Variants in BBS9 observed in about 807,000 individuals in gnomAD.
BBS9 encodes protein PTHB1.
Under a neutral mutation model 117.7 loss-of-function variants are expected in BBS9, and 89 were observed. That is an observed-to-expected ratio of 0.76 (90% CI 0.64 to 0.90). The LOEUF is 0.90. Ranked by LOEUF, BBS9 falls within the 40% of genes least tolerant of loss-of-function variation. The pLI is 0.00. For missense variants in BBS9, 982 were observed against 1,042.2 expected (o/e 0.94, Z 0.80); for synonymous variants, 379 against 370.9 (o/e 1.02, Z -0.25).
intron 21 of BBS9, among the ~76,000 whole-genome samples, chr7:33,615,372 A>G (rs1865078509): frequency 6.6e-6 from 1 of 152,106 alleles, no homozygotes; most frequent in Non-Finnish European, 1.5e-5. Context: ...ATGCTAGAAC[A>G]AATGGGCAAT....
At chr7:33,622,845 G>T (rs2034516) in intron 21 of BBS9, among the ~76,000 whole-genome samples, 56,576 of 151,742 alleles carry the variant, frequency 0.37, 14,242 homozygotes, top group African/African-American at 0.72. Flanking sequence ...AATAAGTGTT[G>T]CTGAAGCAAT....
chr7:33,478,882 T>G (rs1488609580), intron 19 of BBS9, among the ~76,000 whole-genome samples: 4 of 151,650 alleles, frequency 2.6e-5, no homozygotes, highest in Non-Finnish European at 4.4e-5. Flanking sequence ...TGGGTTTTTT[T>G]TTTTTTTTTT....
At position 33,311,157 on chromosome 7, in the gene BBS9, C is replaced by G. The variant is rs556322817; in HGVS notation, c.1017-25284C>G. On this transcript the variant is annotated intron_variant, in intron 9 of 22. Transcript: ENST00000242067. ...TAAGAAGAGGTGAGGAAGAGTGTAC[C>G]AGGTGCCAAAGGGGCATGGAAGATG... Among the ~76,000 whole-genome samples, 5 of 152,134 alleles carry G rather than the reference C, an allele frequency of 3.3e-5. No individual in the cohort carries two copies. The South Asian group carries it at 1.0e-3, about 32-fold the overall frequency.
chr7:33,173,218 T>C (rs1796862450), intron 4 of BBS9, among the ~76,000 whole-genome samples: 1 of 152,208 alleles, frequency 6.6e-6, no homozygotes, highest in Admixed American at 6.5e-5. Flanking sequence ...GCCTGCCTTT[T>C]ATAAACACTT....
At chr7:33,446,323 T>C (rs993296174) in intron 19 of BBS9, among the ~76,000 whole-genome samples, 16 of 152,232 alleles carry the variant, frequency 1.1e-4, no homozygotes, top group South Asian at 2.1e-4. Context: ...TCTTAGTCCA[T>C]AGTATTGCCA....
chr7:33,468,999 CT>C (rs4000120), intron 19 of BBS9, among the ~76,000 whole-genome samples: 49 of 150,558 alleles, frequency 3.3e-4, no homozygotes, highest in South Asian at 1.0e-3. Flanking sequence ...CTACTGATTC[CT>C]TTTTTTTTTT....
intron 21 of BBS9, among the ~76,000 whole-genome samples, chr7:33,616,224 A>G: frequency 6.6e-6 from 1 of 151,064 alleles, no homozygotes; most frequent in Non-Finnish European, 1.5e-5. Flanking sequence ...TAAAATATAT[A>G]TATAATGTAT....
chr7:33,457,033 C>T (rs1410440600), intron 19 of BBS9, among the ~76,000 whole-genome samples: 1 of 152,158 alleles, frequency 6.6e-6, no homozygotes, highest in African/African-American at 2.4e-5. Context: ...TGGAAAATGT[C>T]TACTTGGCCC....
At chr7:33,569,887 G>A (rs922601849) in intron 21 of BBS9, among the ~76,000 whole-genome samples, 2 of 152,206 alleles carry the variant, frequency 1.3e-5, no homozygotes, top group Non-Finnish European at 2.9e-5. Flanking sequence ...AAGAGGGCCT[G>A]GGAGCAAAGA....
chr7:33,370,191 C>CTTA (rs1476880555), intron 17 of BBS9, among the ~76,000 whole-genome samples: 2 of 152,056 alleles, frequency 1.3e-5, no homozygotes, highest in African/African-American at 2.4e-5. Context: ...GGTGTAGCAG[C>CTTA]TTACCCCTTT....
rs1489209003 is a variant in BBS9, at chr7:33,545,578, G to A, written c.2521+11402G>A. On this transcript the variant is annotated intron_variant, in intron 21 of 22. Transcript: ENST00000242067. ...GGGGTCTCCCAAGTCTTGCTTCCTT[G>A]AGGGAGTCTGTGGGTCCTCGGGATT... 3.9e-5 allele frequency among the ~76,000 whole-genome samples: 6 copies of A among 152,168 alleles called. No individual in the cohort carries two copies. In the East Asian group the frequency reaches 1.2e-3, roughly 29 times the overall value.
chr7:33,366,926 C>G (rs891255673), intron 16 of BBS9, among the ~76,000 whole-genome samples: 4 of 152,106 alleles, frequency 2.6e-5, no homozygotes, highest in Non-Finnish European at 5.9e-5. Context: ...ACTATTCTGG[C>G]CGGAGTTCTT....
At chr7:33,246,834 CAG>C (rs1247121592) in intron 5 of BBS9, among the ~76,000 whole-genome samples, 1 of 151,994 alleles carries the variant, frequency 6.6e-6, no homozygotes, top group African/African-American at 2.4e-5. Flanking sequence ...GGTGTGCAGA[CAG>C]AGACAGCTCA....
rs183893118 is a variant in BBS9 at position 33,619,080 on chromosome 7, A to G, written c.2522-16097A>G. On this transcript the variant is annotated intron_variant, in intron 21 of 21. Coordinates refer to the BBS9 transcript ENST00000671952. ...GAGTGGCTGAATGGATTAGAAAACA[A>G]GACACAACTACATGCAGCATAGAAG... Among the ~76,000 whole-genome samples, 150 of 152,304 alleles carry G rather than the reference A, an allele frequency of 9.8e-4. 1 individual carries two copies. In the Middle Eastern group the frequency reaches 0.01, roughly 10 times the overall value.
chr7:33,400,374 C>A (rs1299936445), intron 19 of BBS9, among the ~76,000 whole-genome samples: 2 of 152,096 alleles, frequency 1.3e-5, no homozygotes, highest in Non-Finnish European at 1.5e-5. Context: ...TAAGTGGCCT[C>A]CAATTATCTG....
chr7:33,563,027 GGAGA>G, intron 21 of BBS9, among the ~76,000 whole-genome samples: 1 of 152,098 alleles, frequency 6.6e-6, no homozygotes, highest in South Asian at 2.1e-4. Flanking sequence ...TTGATGCAAT[GGAGA>G]GTATAGGTAT....
downstream of BBS9, among the ~76,000 whole-genome samples, chr7:33,606,323 A>G (rs777989647): frequency 2.8e-4 from 42 of 152,316 alleles, no homozygotes; most frequent in Non-Finnish European, 3.1e-4. Context: ...TACAAAAACA[A>G]TTATAGAGAT....
rs1793992071 is a variant in BBS9, at chr7:33,155,686, T to C, written c.312T>C (p.Cys104=). The change falls in exon 4 of 23, where the codon TGT becomes TGC. Residue 104 remains cysteine, a synonymous_variant. Transcript: ENST00000242067. ...CTGTGTTACATTCTAGAAAACTTTG[T>C]GTCTACTCTGTCTCAGGTAAGAAAT... ...HLAVLHSRKL[C]VYSVSGTLGN... is the part of the protein sequence containing the mutation. 1.3e-6 allele frequency: 2 copies of C among 1,527,382 alleles called. No homozygotes were observed. Among genetic ancestry groups the C allele is most frequent in the African/African-American group, 3.0e-5 (2 of 66,236 alleles). 94.6% of individuals were successfully genotyped at this position (1,527,382 alleles called of 1,614,324 possible).
At chr7:33,552,357 GT>G in intron 21 of BBS9, among the ~76,000 whole-genome samples, 1 of 152,122 alleles carries the variant, frequency 6.6e-6, no homozygotes, top group Non-Finnish European at 1.5e-5. Context: ...CCCTTTCTCA[GT>G]TTCTTATCAG....
Sources: gnomAD v4.1 joint callset for allele counts (sites outside exome capture counted in the v4.1 genomes callset) on GRCh38, gnomAD v4.1.1 for gene constraint, MANE v1.5 for transcripts, NCBI Gene and HGNC (gene_info 2026-07-23, HGNC 2026-07-21) for gene names.